Variants in IGF1R observed in about 807,000 individuals in gnomAD.
IGF1R encodes the protein insulin-like growth factor 1 receptor.
Under a neutral mutation model 144.6 loss-of-function variants are expected in IGF1R, and 44 were observed. The observed-to-expected ratio is 0.30, with a 90% CI of 0.24 to 0.39. The LOEUF is 0.39. Among genes scored for constraint, IGF1R ranks in the 10% least tolerant of loss-of-function variants. The probability of loss-of-function intolerance (pLI) is 1.00; values close to 1 mark genes in which losing one functional copy is unlikely to be tolerated. For synonymous variants in IGF1R, 795 were observed against 722.8 expected, an observed-to-expected ratio of 1.10 and a Z score of -1.60; for missense variants, 1,355 against 1,833.7, an observed-to-expected ratio of 0.74 and a Z score of 4.77.
intron 2 of IGF1R, among the ~76,000 whole-genome samples, chr15:98,804,299 A>G (rs1596317250): frequency 6.6e-6 from 1 of 152,224 alleles, no homozygotes; most frequent in Non-Finnish European, 1.5e-5. Context: ...TTAGAATGCC[A>G]TGAAATATCT....
At chr15:98,724,089 T>A (rs1036408500) in intron 2 of IGF1R, among the ~76,000 whole-genome samples, 3 of 152,234 alleles carry the variant, frequency 2.0e-5, no homozygotes, top group African/African-American at 7.2e-5. Context: ...TCTAGGACTT[T>A]ATTTTGTTAT....
At chr15:98,830,795 G>A (rs1334719178) in intron 2 of IGF1R, among the ~76,000 whole-genome samples, 1 of 152,006 alleles carries the variant, frequency 6.6e-6, no homozygotes, top group African/African-American at 2.4e-5. Flanking sequence ...GTAAAGATGG[G>A]GTTTTGCCAT....
intron 2 of IGF1R, among the ~76,000 whole-genome samples, chr15:98,813,752 G>A (rs1379595529): frequency 6.6e-6 from 1 of 152,178 alleles, no homozygotes; most frequent in Admixed American, 6.5e-5. Flanking sequence ...GATGCAGAGC[G>A]GCCCCAGTCC....
intron 2 of IGF1R, among the ~76,000 whole-genome samples, chr15:98,733,417 A>G (rs2054539564): frequency 6.6e-6 from 1 of 151,876 alleles, no homozygotes; most frequent in African/African-American, 2.4e-5. Context: ...CTTGGGCTCA[A>G]GTTATCCTCC....
chr15:98,898,154 A>G (rs1009610326), intron 4 of IGF1R, among the ~76,000 whole-genome samples: 7 of 151,990 alleles, frequency 4.6e-5, no homozygotes, highest in African/African-American at 1.7e-4. Flanking sequence ...GGGCTTGCCC[A>G]CTCTCATGGT....
rs139674697 is a variant in IGF1R at position 98,735,258 on chromosome 15, C to A, written c.640+27151C>A. On this transcript the variant is annotated intron_variant, in intron 2 of 20. Coordinates refer to ENST00000650285, the MANE Select transcript of IGF1R (RefSeq NM_000875.5). Reference sequence around the variant, plus strand: ...ATTTCCCAGGGAAGAAAGCCCGTTTCAATTGGCTCAAGCGGAAAAGAGCAC... The same window carrying A: ...ATTTCCCAGGGAAGAAAGCCCGTTTAAATTGGCTCAAGCGGAAAAGAGCAC... 3.2e-3 allele frequency among the ~76,000 whole-genome samples: 482 copies of A among 152,280 alleles called. 2 individuals are homozygous for A. Among genetic ancestry groups the A allele is most frequent in the African/African-American group, 0.011 (467 of 41,558 alleles).
chr15:98,941,324 A>T (rs950319984), intron 18 of IGF1R, among the ~76,000 whole-genome samples: 1 of 152,066 alleles, frequency 6.6e-6, no homozygotes, highest in African/African-American at 2.4e-5. Flanking sequence ...CATGGGGGGA[A>T]CTCAGTTTCT....
At chr15:98,776,137 G>T (rs1204568734) in intron 2 of IGF1R, among the ~76,000 whole-genome samples, 1 of 151,662 alleles carries the variant, frequency 6.6e-6, no homozygotes, top group Non-Finnish European at 1.5e-5. Context: ...GAAGGGGCAA[G>T]AGAAATTTTT....
intron 2 of IGF1R, among the ~76,000 whole-genome samples, chr15:98,776,876 C>T (rs1368226453): frequency 6.6e-6 from 1 of 152,218 alleles, no homozygotes; most frequent in Non-Finnish European, 1.5e-5. Flanking sequence ...TTTGTGCTCT[C>T]ATCGTCTCAG....
intron 2 of IGF1R, among the ~76,000 whole-genome samples, chr15:98,880,209 C>T (rs1180864783): frequency 6.6e-6 from 1 of 152,176 alleles, no homozygotes; most frequent in Non-Finnish European, 1.5e-5. Flanking sequence ...AACAGCCCAG[C>T]TAGAGGACGA....
chr15:98,852,928 C>T (rs2011601508), intron 2 of IGF1R, among the ~76,000 whole-genome samples: 1 of 152,184 alleles, frequency 6.6e-6, no homozygotes, highest in African/African-American at 2.4e-5. Context: ...GCTTGTTTTC[C>T]TTTTATTGCT....
chr15:98,921,971 A>G (rs2015507311), intron 10 of IGF1R, among the ~76,000 whole-genome samples, 177 bp from the exon 11 acceptor site: 1 of 152,210 alleles, frequency 6.6e-6, no homozygotes, highest in African/African-American at 2.4e-5. Context: ...CTTGCAGAGT[A>G]GAGAAAGCAA....
At chr15:98,930,904 T>C (rs1237333882) in intron 15 of IGF1R, among the ~76,000 whole-genome samples, 18 of 152,236 alleles carry the variant, frequency 1.2e-4, no homozygotes, top group Admixed American at 1.2e-3. Context: ...TTTCCTTTTT[T>C]GCTCTTTCTA....
chr15:98,924,490 C>A (rs897370393), intron 12 of IGF1R, 35 bp from the exon 13 acceptor site: 1 of 1,611,802 alleles, frequency 6.2e-7, no homozygotes, highest in Middle Eastern at 1.7e-4. Flanking sequence ...CTCCTGCATT[C>A]ATGGGAAATT....
chr15:98,852,542 TAGGG>T (rs1018309622), intron 2 of IGF1R, among the ~76,000 whole-genome samples: 1 of 151,976 alleles, frequency 6.6e-6, no homozygotes, highest in African/African-American at 2.4e-5. Flanking sequence ...GCAGGAGTAT[TAGGG>T]AGGCGATCAC....
chr15:98,780,182 AAAG>A (rs1464794829), intron 2 of IGF1R, among the ~76,000 whole-genome samples: 1 of 151,946 alleles, frequency 6.6e-6, no homozygotes. Context: ...AAAAAAGAAA[AAAG>A]AAAACTTATT....
rs886051622 is a variant in IGF1R, at chr15:98,964,142, A to C, written c.*6700A>C. The C allele has an allele frequency of 2.1e-5, 5 of 232,932 alleles. No homozygotes were observed. The highest frequency in any genetic ancestry group is 3.4e-5 in the Non-Finnish European group (4 of 117,710). The allele number at this position is 232,932 out of a possible 1,614,324, so 14.4% of individuals were successfully genotyped here. A position where few individuals can be genotyped will look rare whatever the true frequency, so the allele number is the denominator to read the frequency against. Reference sequence around the variant, plus strand: ...CCCTTTGTCTGGGATAAAAAAAATCAAACCAGAAGGCGGGATGGAATGGAT... The same window carrying C: ...CCCTTTGTCTGGGATAAAAAAAATCCAACCAGAAGGCGGGATGGAATGGAT... On this transcript the variant is annotated 3_prime_UTR_variant, in exon 21 of 21. Transcript: ENST00000650285.
intron 1 of IGF1R, among the ~76,000 whole-genome samples, chr15:98,650,316 C>G (rs1385564563): frequency 2.0e-5 from 3 of 152,188 alleles, no homozygotes; most frequent in East Asian, 1.9e-4. Context: ...TGGCCTTGCC[C>G]GTCACTTTGG....
chr15:98,744,834 T>C (rs1331345131), intron 2 of IGF1R, among the ~76,000 whole-genome samples: 2 of 152,150 alleles, frequency 1.3e-5, no homozygotes, highest in African/African-American at 4.8e-5. Flanking sequence ...TATCAAACCT[T>C]ATGAGAAGAA....
Sources: gnomAD v4.1 joint callset for allele counts (sites outside exome capture counted in the v4.1 genomes callset) on GRCh38, gnomAD v4.1.1 for gene constraint, MANE v1.5 for transcripts, NCBI Gene and HGNC (gene_info 2026-07-23, HGNC 2026-07-21) for gene names.